The following GUCY1A2 variants were observed in gnomAD, a reference collection of about 807,000 sequenced individuals.
GUCY1A2 encodes guanylate cyclase soluble subunit alpha-2.
In GUCY1A2, 27 loss-of-function variants were observed where a neutral mutation model predicts 63.5. The observed-to-expected ratio is 0.43, with a 90% confidence interval of 0.31 to 0.59. The LOEUF is 0.59. GUCY1A2 is among the 20% of genes least tolerant of loss of function. GUCY1A2 has a pLI of 0.11. For missense variants in GUCY1A2, 768 were observed against 913.3 expected, an observed-to-expected ratio of 0.84 and a Z score of 2.05; for synonymous variants, 364 against 343.5, an observed-to-expected ratio of 1.06 and a Z score of -0.66.
chr11:106,981,412 C>A (rs1265356839), intron 2 of GUCY1A2, among the ~76,000 whole-genome samples: 1 of 151,378 alleles, frequency 6.6e-6, no homozygotes, highest in Admixed American at 6.6e-5. Context: ...GAATTGGTGT[C>A]CCAGACTAAT....
At chr11:106,843,029 AG>A (rs1203580123) in intron 4 of GUCY1A2, among the ~76,000 whole-genome samples, 1 of 151,882 alleles carries the variant, frequency 6.6e-6, no homozygotes, top group Admixed American at 6.6e-5. Flanking sequence ...CATTCAAGGG[AG>A]AAAAAGGTTC....
rs530824987 is a variant in GUCY1A2 at position 106,705,711 on chromosome 11, T to C, written c.1991+2801A>G. ...CCGTCTCTACTAAAAATACAAAAAA[T>C]TAGCCAGGTGTGGTGGCACGCACCT... On this transcript the variant is annotated intron_variant, in intron 7 of 7. Transcript: ENST00000526355. Among the ~76,000 whole-genome samples the C allele has an allele frequency of 2.6e-5, 4 of 151,904 alleles. No individual in the cohort carries two copies. In the South Asian group the frequency reaches 8.3e-4, roughly 32 times the overall value.
In GUCY1A2 at chr11:106,685,957, A is replaced by C. The variant is rs558765020; in HGVS notation, c.*1592T>G. ...ACATTAAATGAACCTCATAGACTAC[A>C]TTGGAAATTAGTAAATATATTCCTT... is the stretch of plus-strand genomic sequence containing the variant. On this transcript the variant is annotated 3_prime_UTR_variant, in exon 8 of 8. Coordinates refer to ENST00000526355, the MANE Select transcript of GUCY1A2 (RefSeq NM_000855.3). The C allele has an allele frequency of 1.8e-5, 4 of 222,610 alleles. 1 individual carries two copies. The South Asian group carries it at 7.4e-4, about 41-fold the overall frequency. The allele number at this position is 222,610 out of a possible 1,614,324, so 13.8% of individuals were successfully genotyped here.
chr11:106,807,540 A>C (rs1416834255), intron 5 of GUCY1A2, among the ~76,000 whole-genome samples: 3 of 152,164 alleles, frequency 2.0e-5, no homozygotes, highest in African/African-American at 7.2e-5. Flanking sequence ...CCTAATCCTG[A>C]ATAAGCAGCC....
chr11:106,875,272 A>C (rs1179000633), intron 4 of GUCY1A2, among the ~76,000 whole-genome samples: 1 of 152,116 alleles, frequency 6.6e-6, no homozygotes, highest in East Asian at 1.9e-4. Flanking sequence ...GGGAAAACTC[A>C]ACACCATGAC....
intron 6 of GUCY1A2, among the ~76,000 whole-genome samples, chr11:106,775,296 A>G: frequency 6.6e-6 from 1 of 152,170 alleles, no homozygotes; most frequent in Non-Finnish European, 1.5e-5. Flanking sequence ...TGGTTTATCA[A>G]GAACAACTAA....
rs924742485 is a variant in GUCY1A2, at chr11:106,675,482, A to G, written c.*12067T>C. 5.0e-6 allele frequency: 1 copy of G among 201,642 alleles called. No individual in the cohort carries two copies. The highest frequency in any genetic ancestry group is 1.0e-5 in the Non-Finnish European group (1 of 97,992). The allele number at this position is 201,642 out of a possible 1,614,324, so 12.5% of individuals were successfully genotyped here. A position where few individuals can be genotyped will look rare whatever the true frequency, so the allele number is the denominator to read the frequency against. ...AGGAGACAATGAATTAGTAGCTTGT[A>G]AATTTTGCAGATCTGGGCCTTCAAT... On this transcript the variant is annotated 3_prime_UTR_variant, in exon 8 of 8. Transcript: ENST00000526355.
chr11:106,784,853 T>C (rs1253160424), intron 5 of GUCY1A2, among the ~76,000 whole-genome samples: 1 of 152,132 alleles, frequency 6.6e-6, no homozygotes, highest in African/African-American at 2.4e-5. Context: ...AAGTCATGGG[T>C]AATATCTACA....
At chr11:106,900,295 T>A (rs1201160033) in intron 4 of GUCY1A2, among the ~76,000 whole-genome samples, 1 of 152,114 alleles carries the variant, frequency 6.6e-6, no homozygotes, top group Non-Finnish European at 1.5e-5. Context: ...GAGAGCCTCC[T>A]ACCTCAGCCT....
At chr11:106,979,534 T>C (rs11822207) in intron 2 of GUCY1A2, among the ~76,000 whole-genome samples, 2 of 151,862 alleles carry the variant, frequency 1.3e-5, no homozygotes, top group Non-Finnish European at 2.9e-5. Context: ...TGAGTCATGG[T>C]CTTACCATTT....
At chr11:106,688,148 G>A (rs372820760) in intron 7 of GUCY1A2, among the ~76,000 whole-genome samples, 1 of 152,066 alleles carries the variant, frequency 6.6e-6, no homozygotes, top group Non-Finnish European at 1.5e-5. Flanking sequence ...TTTAAAACCT[G>A]CCCAAATTCT....
intron 6 of GUCY1A2, among the ~76,000 whole-genome samples, chr11:106,766,500 A>C (rs1156668257): frequency 6.6e-6 from 1 of 152,056 alleles, no homozygotes; most frequent in Non-Finnish European, 1.5e-5. Context: ...TGGTTGGTAA[A>C]TTATAGGTGA....
chr11:106,940,775 A>C (rs190866880), intron 3 of GUCY1A2, among the ~76,000 whole-genome samples: 1 of 152,332 alleles, frequency 6.6e-6, no homozygotes, highest in African/African-American at 2.4e-5. Flanking sequence ...AAATGTTGCT[A>C]ATCTAGCTGT....
At chr11:106,984,624 A>G (rs1226535479) in intron 2 of GUCY1A2, among the ~76,000 whole-genome samples, 3 of 152,082 alleles carry the variant, frequency 2.0e-5, no homozygotes, top group Non-Finnish European at 4.4e-5. Context: ...AGAAAATTAG[A>G]CTTTGATGAT....
chr11:106,709,063 A>G (rs1357163951), intron 6 of GUCY1A2, among the ~76,000 whole-genome samples: 1 of 143,496 alleles, frequency 7.0e-6, no homozygotes, highest in Non-Finnish European at 1.5e-5. Context: ...CACTAAACAT[A>G]ATTATAAATT....
chr11:106,904,045 C>T (rs1042802807), intron 4 of GUCY1A2, among the ~76,000 whole-genome samples: 1 of 152,118 alleles, frequency 6.6e-6, no homozygotes. Flanking sequence ...TTTCTCATAG[C>T]TATCATAGTC....
intron 2 of GUCY1A2, among the ~76,000 whole-genome samples, chr11:106,983,251 A>C (rs1565350794): frequency 6.6e-6 from 1 of 152,228 alleles, no homozygotes; most frequent in Non-Finnish European, 1.5e-5. Context: ...CATTGCATGA[A>C]TAAATTATTT....
rs1210059879 is a variant in GUCY1A2 at position 106,915,843 on chromosome 11, C to A, written c.1206+23617G>T. ...GGCATTTGAGCATTACAAGCTGAAA[C>A]CCCTTAAGCCACTTTGGATTTAAGA... On this transcript the variant is annotated intron_variant, in intron 4 of 7. Transcript: ENST00000526355. Among the ~76,000 whole-genome samples, 10 of 145,092 alleles carry A rather than the reference C, an allele frequency of 6.9e-5. 1 individual carries two copies. Among genetic ancestry groups the A allele is most frequent in the Admixed American group, 6.2e-4 (9 of 14,544 alleles).
chr11:106,896,957 GAACC>G (rs1297386224), intron 4 of GUCY1A2, among the ~76,000 whole-genome samples: 2 of 152,038 alleles, frequency 1.3e-5, no homozygotes, highest in Non-Finnish European at 2.9e-5. Context: ...AAATTCAAAA[GAACC>G]AACAAAAAAA....
Sources: allele counts gnomAD v4.1 joint callset (sites outside exome capture counted in the v4.1 genomes callset), GRCh38; gene constraint gnomAD v4.1.1; transcripts MANE v1.5; gene names NCBI Gene and HGNC (gene_info 2026-07-23, HGNC 2026-07-21).